Variants in CUX1 observed in about 807,000 individuals in gnomAD.
The protein encoded by CUX1 is cut like homeobox 1.
CUX1 carries 31 observed loss-of-function variants against 158.8 expected under a neutral mutation model. The ratio of observed to expected loss-of-function variants is 0.20; its 90% CI spans 0.15 to 0.26. The LOEUF is 0.26. Among genes scored for constraint, CUX1 ranks in the 10% least tolerant of loss-of-function variants. CUX1 has a pLI of 1.00. For synonymous variants in CUX1, 879 were observed against 862.1 expected, an observed-to-expected ratio of 1.02 and a Z score of -0.34; for missense variants, 1,589 against 2,014.6, an observed-to-expected ratio of 0.79 and a Z score of 4.04.
chr7:102,007,470 G>C (rs1032575204), intron 2 of CUX1, among the ~76,000 whole-genome samples: 2 of 151,648 alleles, frequency 1.3e-5, no homozygotes, highest in Non-Finnish European at 2.9e-5. Flanking sequence ...CCAGGGCCTG[G>C]GTTCTCTGTG....
intron 8 of CUX1, among the ~76,000 whole-genome samples, chr7:102,143,862 A>G (rs7783375): frequency 0.016 from 2,391 of 152,056 alleles, 54 homozygotes; most frequent in African/African-American, 0.053. Flanking sequence ...AGCTCACTGT[A>G]GCCTCCACCT....
At chr7:102,155,445 C>G (rs1423676851) in intron 8 of CUX1, among the ~76,000 whole-genome samples, 1 of 151,304 alleles carries the variant, frequency 6.6e-6, no homozygotes, top group Non-Finnish European at 1.5e-5. Flanking sequence ...ACTCTGGAGG[C>G]TGAAGCGGGA....
chr7:102,243,044 C>T (rs544320307), intron 23 of CUX1, among the ~76,000 whole-genome samples: 166 of 152,168 alleles, frequency 1.1e-3, no homozygotes, highest in Non-Finnish European at 1.9e-3. Flanking sequence ...GAGGCCAAGG[C>T]GGGTGGATCA....
At chr7:102,163,351 C>T (rs948202423) in intron 9 of CUX1, among the ~76,000 whole-genome samples, 1 of 151,374 alleles carries the variant, frequency 6.6e-6, no homozygotes, top group Non-Finnish European at 1.5e-5. Context: ...AAAAAATAGC[C>T]AGGTGTGGTG....
Position 102,250,793 on chromosome 7 carries a change from C to CGTGT in CUX1, c.*1755_*1758dup, listed in dbSNP as rs146557006. ...GCGGGTGAGAGTGTGCGTGCGTGTGCGTGTGTGCAATTTTATACGTCTGTG... is the reference window on the plus strand; with the variant it reads ...GCGGGTGAGAGTGTGCGTGCGTGTGCGTGTGTGTGTGCAATTTTATACGTCTGTG... On this transcript the variant is annotated 3_prime_UTR_variant, in exon 24 of 24. Transcript: ENST00000292535. 25 of 985,138 alleles carry CGTGT rather than the reference C, an allele frequency of 2.5e-5. No individual in the cohort carries two copies. The highest frequency in any genetic ancestry group is 3.0e-5 in the Non-Finnish European group (25 of 829,772). The allele number at this position is 985,138 out of a possible 1,614,324, so 61.0% of individuals were successfully genotyped here. A position where few individuals can be genotyped will look rare whatever the true frequency, so the allele number is the denominator to read the frequency against.
intron 2 of CUX1, among the ~76,000 whole-genome samples, chr7:102,012,168 A>T (rs1003057419): frequency 2.0e-5 from 3 of 152,144 alleles, no homozygotes; most frequent in East Asian, 1.9e-4. Flanking sequence ...TTGCTTTTTT[A>T]AAAAAATGTA....
intron 14 of CUX1, among the ~76,000 whole-genome samples, chr7:102,269,793 T>G (rs957812312): frequency 4.6e-5 from 7 of 150,780 alleles, no homozygotes; most frequent in Non-Finnish European, 1.0e-4. Context: ...TTCCAAACTT[T>G]CCCTCATCTT....
At chr7:101,821,549 C>G (rs2906723) in intron 1 of CUX1, among the ~76,000 whole-genome samples, 26 of 151,094 alleles carry the variant, frequency 1.7e-4, no homozygotes, top group Admixed American at 6.6e-4. Flanking sequence ...CGTGTTAGCC[C>G]GGATGGTCTC....
intron 6 of CUX1, among the ~76,000 whole-genome samples, chr7:102,110,822 A>G (rs1287560537): frequency 6.6e-6 from 1 of 152,180 alleles, no homozygotes; most frequent in Non-Finnish European, 1.5e-5. Context: ...ATGCAGAAAC[A>G]TTTTAGAAAA....
At chr7:102,214,763 C>T (rs1554524090) in intron 20 of CUX1, among the ~76,000 whole-genome samples, 1 of 152,190 alleles carries the variant, frequency 6.6e-6, no homozygotes, top group South Asian at 2.1e-4. Context: ...AATGGCATTG[C>T]CCTGGATAGA....
At position 102,238,302 on chromosome 7, in the gene CUX1, C is replaced by T. The variant is rs568692271; in HGVS notation, c.3623-1018C>T. Reference sequence around the variant, plus strand: ...CGCTAGACCACGGTCCGCCTGGCAACGGGCGTCTTCCCAGACGCTGGCGTT... The same window carrying T: ...CGCTAGACCACGGTCCGCCTGGCAATGGGCGTCTTCCCAGACGCTGGCGTT... On this transcript the variant is annotated intron_variant, in intron 22 of 23. Coordinates refer to ENST00000292535, the MANE Select transcript of CUX1 (RefSeq NM_181552.4). Among the ~76,000 whole-genome samples the T allele has an allele frequency of 2.6e-5, 4 of 152,256 alleles. No homozygotes were observed. In the East Asian group the frequency reaches 5.8e-4, roughly 22 times the overall value.
At chr7:102,103,147 C>G (rs1296274692) in intron 5 of CUX1, among the ~76,000 whole-genome samples, 1 of 152,122 alleles carries the variant, frequency 6.6e-6, no homozygotes, top group Non-Finnish European at 1.5e-5. Context: ...TTGGTGCTCA[C>G]ACCTCACTCT....
At chr7:101,969,209 C>T (rs965405083) in intron 2 of CUX1, among the ~76,000 whole-genome samples, 1 of 151,734 alleles carries the variant, frequency 6.6e-6, no homozygotes, top group Non-Finnish European at 1.5e-5. Flanking sequence ...GTGGCGCACA[C>T]CTGTACTTTC....
At chr7:102,056,751 A>G (rs1337644180) in intron 3 of CUX1, among the ~76,000 whole-genome samples, 5 of 151,222 alleles carry the variant, frequency 3.3e-5, no homozygotes, top group Non-Finnish European at 5.9e-5. Flanking sequence ...TTGTATTTTT[A>G]GAAGAGATGG....
intron 3 of CUX1, among the ~76,000 whole-genome samples, chr7:102,056,222 A>G (rs937849558): frequency 1.3e-5 from 2 of 152,264 alleles, no homozygotes; most frequent in African/African-American, 4.8e-5. Context: ...AAGATAATCA[A>G]CGAAGATGAT....
At chr7:101,855,649 G>GCA (rs1796700760) in intron 1 of CUX1, among the ~76,000 whole-genome samples, 1 of 152,136 alleles carries the variant, frequency 6.6e-6, no homozygotes, top group Non-Finnish European at 1.5e-5. Flanking sequence ...GGAGGTCAAG[G>GCA]CGGGTGGATC....
At chr7:102,150,896 G>A (rs782007143) in intron 8 of CUX1, among the ~76,000 whole-genome samples, 24 of 152,204 alleles carry the variant, frequency 1.6e-4, no homozygotes, top group Admixed American at 5.9e-4. Context: ...AAGCTGTTTC[G>A]TCAGCTCATA....
intron 2 of CUX1, among the ~76,000 whole-genome samples, chr7:101,996,839 G>A (rs545388410): frequency 2.5e-4 from 38 of 151,848 alleles, no homozygotes; most frequent in Admixed American, 7.2e-4. Flanking sequence ...CTCCTCTGCC[G>A]CATACATACC....
At chr7:101,868,385 C>T (rs905287016) in intron 1 of CUX1, among the ~76,000 whole-genome samples, 4 of 152,204 alleles carry the variant, frequency 2.6e-5, no homozygotes, top group Admixed American at 2.6e-4. Context: ...CGCCTCCTCC[C>T]CTGGGCTGCT....
Sources: allele counts gnomAD v4.1 joint callset (sites outside exome capture counted in the v4.1 genomes callset), GRCh38; gene constraint gnomAD v4.1.1; transcripts MANE v1.5; gene names NCBI Gene and HGNC (gene_info 2026-07-23, HGNC 2026-07-21).